TRPC1: variants seen among roughly 807,000 people sequenced by gnomAD.
The protein encoded by TRPC1 is short transient receptor potential channel 1.
A neutral mutation model predicts 88.2 loss-of-function variants in TRPC1; 42 were observed. The observed-to-expected ratio is 0.48, with a 90% CI of 0.37 to 0.62. TRPC1 has a LOEUF of 0.62. Among genes scored for constraint, TRPC1 ranks in the 20% least tolerant of loss-of-function variants. TRPC1 has a pLI of 0.00. For missense variants in TRPC1, 699 were observed against 957.3 expected (o/e 0.73, Z 3.56); for synonymous variants, 288 against 331.8 (o/e 0.87, Z 1.43).
At chr3:142,784,635 C>A in intron 6 of TRPC1, 69 bp from the exon 7 acceptor site, 1 of 1,207,558 alleles carries the variant, frequency 8.3e-7, no homozygotes, top group South Asian at 1.5e-5. Context: ...CTTTGAATAT[C>A]AACCAATCAG....
chr3:142,725,348 T>G (rs1933632616), intron 1 of TRPC1, among the ~76,000 whole-genome samples: 1 of 152,224 alleles, frequency 6.6e-6, no homozygotes, highest in Non-Finnish European at 1.5e-5. Flanking sequence ...GCCAAAACTT[T>G]CTCTGGATTT....
intron 2 of TRPC1, among the ~76,000 whole-genome samples, chr3:142,738,402 A>G (rs1384601101): frequency 6.6e-6 from 1 of 152,220 alleles, no homozygotes; most frequent in Non-Finnish European, 1.5e-5. Flanking sequence ...CAATTAAAGT[A>G]TGTATGAATT....
chr3:142,736,587 C>T, intron 2 of TRPC1, 54 bp downstream of exon 2: 1 of 1,399,962 alleles, frequency 7.1e-7, no homozygotes, highest in South Asian at 1.7e-5. Context: ...TTAGATATGC[C>T]ATGCTTTCTT....
intron 2 of TRPC1, among the ~76,000 whole-genome samples, chr3:142,741,639 T>C (rs1221786003): frequency 6.6e-6 from 1 of 152,228 alleles, no homozygotes; most frequent in Non-Finnish European, 1.5e-5. Context: ...TTTTATTCAG[T>C]AAAGATCTGA....
chr3:142,738,244 C>G (rs1429507854), intron 2 of TRPC1, among the ~76,000 whole-genome samples: 1 of 152,158 alleles, frequency 6.6e-6, no homozygotes, highest in African/African-American at 2.4e-5. Context: ...AAATCTCATG[C>G]TCTTTCTAGT....
At chr3:142,798,321 G>A (rs9824476) in intron 9 of TRPC1, among the ~76,000 whole-genome samples, 52,993 of 152,062 alleles carry the variant, frequency 0.35, 12,726 homozygotes, top group African/African-American at 0.69. Flanking sequence ...TTAATGCACT[G>A]GGCTCTGGAG....
In TRPC1 at chr3:142,792,811, TTC is replaced by T. The variant is rs763376830; in HGVS notation, c.1438-12_1438-11del. ...GAGCTTATTTACCTTTGGCTTTTTC[TTC>T]CTAACCTTAGTTTCATGATTTTGCT... On this transcript the variant is annotated splice_polypyrimidine_tract_variant and intron_variant, in intron 8 of 12. Transcript: ENST00000476941. The surrounding 1 kb of genome is among the most constrained non-coding windows in gnomAD (Gnocchi z 4.0). The T allele has an allele frequency of 1.9e-6, 3 of 1,557,140 alleles. No individual in the cohort carries two copies.
At chr3:142,754,234 A>T (rs1934881139) in intron 4 of TRPC1, among the ~76,000 whole-genome samples, 1 of 152,142 alleles carries the variant, frequency 6.6e-6, no homozygotes, top group Non-Finnish European at 1.5e-5. Flanking sequence ...GTAATATAAT[A>T]GCTGTGATTT....
intron 9 of TRPC1, among the ~76,000 whole-genome samples, chr3:142,793,511 T>C (rs931232749): frequency 6.6e-6 from 1 of 152,048 alleles, no homozygotes; most frequent in East Asian, 1.9e-4. Context: ...TAATACTTTA[T>C]AGTTAAAGAA....
intron 12 of TRPC1, among the ~76,000 whole-genome samples, chr3:142,805,572 A>G (rs1936769822): frequency 2.0e-5 from 3 of 152,180 alleles, no homozygotes; most frequent in Non-Finnish European, 4.4e-5. Context: ...CTTTTTAAAT[A>G]TAGGTCTACT....
rs190711526 is a variant in TRPC1 at position 142,776,834 on chromosome 3, C to T, written c.633-798C>T. 6.0e-5 allele frequency among the ~76,000 whole-genome samples: 9 copies of T among 150,666 alleles called. No homozygotes were observed. In the South Asian group the frequency reaches 8.4e-4, roughly 14 times the overall value. The stretch of plus-strand genomic sequence containing the variant: ...AGGAGAATCACTTGAACCAGGGAGT[C>T]GGAGGTTGCGGTGAGCCGAGATCGT... On this transcript the variant is annotated intron_variant, in intron 4 of 12. Coordinates refer to ENST00000476941, the MANE Select transcript of TRPC1 (RefSeq NM_001251845.2). This position sits in a 1 kb window ranked among gnomAD's most constrained non-coding sequence, Gnocchi z 4.1.
At chr3:142,747,694 T>C (rs1934606689) in intron 3 of TRPC1, among the ~76,000 whole-genome samples, 1 of 152,216 alleles carries the variant, frequency 6.6e-6, no homozygotes, top group Non-Finnish European at 1.5e-5. Context: ...TGTTAATTTT[T>C]TGGCGTTTAT....
At chr3:142,728,211 G>T (rs996688592) in intron 1 of TRPC1, among the ~76,000 whole-genome samples, 7 of 152,144 alleles carry the variant, frequency 4.6e-5, no homozygotes, top group Non-Finnish European at 8.8e-5. Context: ...TGGGGTTAGG[G>T]GGAGGGATGG....
intron 2 of TRPC1, among the ~76,000 whole-genome samples, chr3:142,736,860 T>A (rs974804637): frequency 1.3e-5 from 2 of 152,152 alleles, no homozygotes; most frequent in African/African-American, 4.8e-5. Context: ...ATATTATATA[T>A]CTAAAATAGT....
intron 9 of TRPC1, chr3:142,801,200 T>A (rs1224114136): frequency 1.3e-5 from 2 of 152,142 alleles, no homozygotes; most frequent in African/African-American, 4.8e-5. Context: ...TTAAAAACAA[T>A]GTTGAGTAAT....
chr3:142,804,270 G>T, intron 11 of TRPC1, 92 bp downstream of exon 11: 1 of 1,232,976 alleles, frequency 8.1e-7, no homozygotes, highest in Non-Finnish European at 1.1e-6. Flanking sequence ...AAGATTATAA[G>T]AATTGAAAAA....
In TRPC1 at chr3:142,724,309, G is replaced by C. The variant is rs1042614297; in HGVS notation, c.-251G>C. ...CGCGGACCGGCTCGGCCGGGGCGCC[G>C]GCGGCTGGGGAGGGGTCGCTGGCCC... is the stretch of plus-strand genomic sequence containing the variant. On this transcript the variant is annotated 5_prime_UTR_variant, in exon 1 of 13. Coordinates refer to ENST00000476941, the MANE Select transcript of TRPC1 (RefSeq NM_001251845.2). The surrounding 1 kb of genome is among the most constrained non-coding windows in gnomAD (Gnocchi z 5.6). 8 of 258,034 alleles carry C rather than the reference G, an allele frequency of 3.1e-5. No individual in the cohort carries two copies. The highest frequency in any genetic ancestry group is 5.8e-5 in the Non-Finnish European group (8 of 137,040). The allele number at this position is 258,034 out of a possible 1,614,324, so 16.0% of individuals were successfully genotyped here.
At chr3:142,748,601 G>T (rs1163669071) in intron 4 of TRPC1, 141 bp downstream of exon 4, 5 of 782,614 alleles carry the variant, frequency 6.4e-6, no homozygotes, top group Non-Finnish European at 2.0e-6. Context: ...TAGCTCCTTT[G>T]TTTTATATAA....
At chr3:142,748,857 C>T (rs189140533) in intron 4 of TRPC1, among the ~76,000 whole-genome samples, 2 of 152,310 alleles carry the variant, frequency 1.3e-5, no homozygotes, top group Non-Finnish European at 2.9e-5. Flanking sequence ...ATGCCTCTAT[C>T]TTCCCCTCTC....
Sources: allele counts gnomAD v4.1 joint callset (sites outside exome capture counted in the v4.1 genomes callset), GRCh38; gene constraint gnomAD v4.1.1; non-coding constraint Gnocchi (gnomAD v3.1); transcripts MANE v1.5; gene names NCBI Gene and HGNC (gene_info 2026-07-23, HGNC 2026-07-21).